The following CCZ1B variants were observed in gnomAD, a reference collection of about 807,000 sequenced individuals.
CCZ1B encodes the protein vacuolar fusion protein CCZ1 homolog B.
Under a neutral mutation model 58.8 loss-of-function variants are expected in CCZ1B, and 25 were observed. The ratio of observed to expected loss-of-function variants is 0.43; its 90% confidence interval spans 0.31 to 0.59. The LOEUF (loss-of-function observed/expected upper bound fraction) is 0.59, where lower values mean the gene tolerates loss of function less well. Ranked by LOEUF, CCZ1B falls within the 20% of genes least tolerant of loss-of-function variation. The probability of loss-of-function intolerance (pLI) is 0.12; values close to 1 mark genes in which losing one functional copy is unlikely to be tolerated. For missense variants in CCZ1B, 180 were observed against 501.5 expected, an observed-to-expected ratio of 0.36 and a Z score of 6.12; for synonymous variants, 66 against 173.2, an observed-to-expected ratio of 0.38 and a Z score of 4.86.
At chr7:6,811,768 T>C (rs982143009) in intron 10 of CCZ1B, 184 bp downstream of exon 10, 7 of 750,856 alleles carry the variant, frequency 9.3e-6, no homozygotes, top group African/African-American at 3.8e-5. Flanking sequence ...ACAGAACTGT[T>C]TAAAAGGAGC....
chr7:6,815,736 C>G (rs1442693203), intron 7 of CCZ1B, among the ~76,000 whole-genome samples: 5 of 149,220 alleles, frequency 3.4e-5, no homozygotes, highest in Non-Finnish European at 7.4e-5. Flanking sequence ...TCCTACAGTC[C>G]TGTATTTTAC....
In CCZ1B at chr7:6,823,293, A is replaced by T; in HGVS notation, c.438+20T>A. The T allele has an allele frequency of 6.2e-7, 1 of 1,605,254 alleles. No homozygotes were observed. Among genetic ancestry groups the T allele is most frequent in the Non-Finnish European group, 8.5e-7 (1 of 1,176,200 alleles). On this transcript the variant is annotated intron_variant, in intron 5 of 14. Coordinates refer to ENST00000316731, the MANE Select transcript of CCZ1B (RefSeq NM_198097.5). ...GGGTAAGTGGTTGGACTCTGAGTTG[A>T]GAAAGAACGCCACGCTTACCTTGTA...
At chr7:6,808,799 C>T (rs1583550189) in intron 10 of CCZ1B, among the ~76,000 whole-genome samples, 1 of 152,102 alleles carries the variant, frequency 6.6e-6, no homozygotes, top group Admixed American at 6.5e-5. Context: ...ACCTCCGCCT[C>T]CCAGGTTCAA....
intron 5 of CCZ1B, among the ~76,000 whole-genome samples, chr7:6,822,960 C>A (rs1306858734): frequency 6.8e-6 from 1 of 146,310 alleles, no homozygotes; most frequent in African/African-American, 2.6e-5. Flanking sequence ...CCCACCTTAG[C>A]CTCCCAGAAT....
intron 10 of CCZ1B, among the ~76,000 whole-genome samples, chr7:6,810,433 T>G (rs1429435030): frequency 1.8e-4 from 27 of 148,568 alleles, no homozygotes; most frequent in South Asian, 1.7e-3. Context: ...TAATGTCTGG[T>G]GCTGGATATG....
intron 9 of CCZ1B, chr7:6,812,267 T>C (rs1233388435): frequency 3.8e-6 from 2 of 529,286 alleles, no homozygotes; most frequent in African/African-American, 4.1e-5. Flanking sequence ...GCTGGGTGGA[T>C]CACCTGAAGT....
Position 6,801,089 on chromosome 7 carries a change from G to A in CCZ1B, c.1266-14C>T. The A allele has an allele frequency of 7.4e-7, 1 of 1,346,434 alleles. No individual in the cohort carries two copies. The highest frequency in any genetic ancestry group is 9.7e-7 in the Non-Finnish European group (1 of 1,034,466). 83.4% of individuals were successfully genotyped at this position (1,346,434 alleles called of 1,614,324 possible). The stretch of plus-strand genomic sequence containing the variant: ...TCTTCATCCACTCTGCAAGACGAGG[G>A]TCAAAATGCAATTGTTCGTTACTCA... On this transcript the variant is annotated splice_polypyrimidine_tract_variant and intron_variant, in intron 13 of 14. Coordinates refer to ENST00000316731, the MANE Select transcript of CCZ1B (RefSeq NM_198097.5).
At chr7:6,821,876 G>A (rs1422610295) in intron 6 of CCZ1B, among the ~76,000 whole-genome samples, 3 of 149,884 alleles carry the variant, frequency 2.0e-5, no homozygotes, top group Non-Finnish European at 4.4e-5. Flanking sequence ...CATCAAGACA[G>A]TTTACGCCCG....
chr7:6,812,676 A>C (rs1583552054), intron 9 of CCZ1B, among the ~76,000 whole-genome samples: 2 of 152,226 alleles, frequency 1.3e-5, no homozygotes, highest in African/African-American at 4.8e-5. Flanking sequence ...TAATCCCAGC[A>C]CTTTGGGAGG....
intron 12 of CCZ1B, among the ~76,000 whole-genome samples, chr7:6,804,338 G>C (rs1431561644): frequency 1.6e-5 from 2 of 127,420 alleles, no homozygotes; most frequent in Non-Finnish European, 3.3e-5. Context: ...CATGAGAATC[G>C]CTTGAGCCTG....
Position 6,823,512 on chromosome 7 carries a change from GTTCT to G in CCZ1B, c.391-156_391-153del, listed in dbSNP as rs1480335184. ...TTGCGTGCTGAAAAAAAGTGTTTGC[GTTCT>G]TTTTTTTTTTTTTTTTTTTTGAGAT... On this transcript the variant is annotated intron_variant, in intron 4 of 14. Transcript: ENST00000316731. 34 of 777,012 alleles carry G rather than the reference GTTCT, an allele frequency of 4.4e-5. No homozygotes were observed. In the African/African-American group the frequency reaches 5.3e-4, roughly 12 times the overall value. The allele number at this position is 777,012 out of a possible 1,614,324, so 48.1% of individuals were successfully genotyped here. A position where few individuals can be genotyped will look rare whatever the true frequency, so the allele number is the denominator to read the frequency against.
At chr7:6,817,520 T>A (rs1783024990) in intron 7 of CCZ1B, among the ~76,000 whole-genome samples, 1 of 149,734 alleles carries the variant, frequency 6.7e-6, no homozygotes, top group Admixed American at 6.6e-5. Flanking sequence ...TGCGTGTGAT[T>A]TGCAAGCACG....
In CCZ1B at chr7:6,811,936, G is replaced by A. The variant is rs1190704312; in HGVS notation, c.954+16C>T. On this transcript the variant is annotated intron_variant, in intron 10 of 14. Coordinates refer to ENST00000316731, the MANE Select transcript of CCZ1B (RefSeq NM_198097.5). ...TTCAGCACAATCATTAACGCTGGAA[G>A]GAAAACAGTTGTTACCTTATAAACG... 1.9e-6 allele frequency: 3 copies of A among 1,595,732 alleles called. No homozygotes were observed. Among genetic ancestry groups the A allele is most frequent in the Non-Finnish European group, 2.6e-6 (3 of 1,170,492 alleles).
At chr7:6,822,199 A>G (rs1164611982) in intron 6 of CCZ1B, 82 bp downstream of exon 6, 2 of 1,536,964 alleles carry the variant, frequency 1.3e-6, no homozygotes, top group Non-Finnish European at 1.7e-6. Flanking sequence ...TTTGTAGATA[A>G]GAAACAAACT....
intron 7 of CCZ1B, among the ~76,000 whole-genome samples, chr7:6,818,617 C>CAGACAGAAAGA (rs1229339046): frequency 1.4e-3 from 130 of 92,332 alleles, no homozygotes; most frequent in Middle Eastern, 6.0e-3. Context: ...GAAAGAAAGA[C>CAGACAGAAAGA]AAGAAAGAAA....
intron 5 of CCZ1B, among the ~76,000 whole-genome samples, chr7:6,823,039 A>T (rs200144137): frequency 6.8e-6 from 1 of 146,862 alleles, no homozygotes; most frequent in African/African-American, 2.6e-5. Flanking sequence ...AATTATCTGC[A>T]TTCTGTATGT....
At chr7:6,818,884 T>C (rs1254218508) in intron 7 of CCZ1B, among the ~76,000 whole-genome samples, 3 of 148,644 alleles carry the variant, frequency 2.0e-5, no homozygotes, top group African/African-American at 7.7e-5. Flanking sequence ...TGGGCAGTCT[T>C]GTGCCCACGT....
In CCZ1B at chr7:6,825,638, AAACCAC is replaced by A. The variant is rs1258462956; in HGVS notation, c.120+434_120+439del. Among the ~76,000 whole-genome samples, 8 of 91,412 alleles carry A rather than the reference AAACCAC, an allele frequency of 8.8e-5. No individual in the cohort carries two copies. In the South Asian group the frequency reaches 6.4e-3, roughly 73 times the overall value. The allele number at this position is 91,412 out of a possible 152,430, so 60.0% of individuals were successfully genotyped here. A position where few individuals can be genotyped will look rare whatever the true frequency, so the allele number is the denominator to read the frequency against. ...GAAAGTCGCCGTCCCCACCTCAGAA[AAACCAC>A]ACACACACACACACACACACCCCTC... On this transcript the variant is annotated intron_variant, in intron 1 of 14. Transcript: ENST00000316731.
intron 7 of CCZ1B, among the ~76,000 whole-genome samples, chr7:6,818,641 G>T (rs1472718477): frequency 7.1e-6 from 1 of 141,720 alleles, no homozygotes; most frequent in African/African-American, 2.7e-5. Context: ...AGACAAGAAA[G>T]AAAGAAAGAC....
Sources: gnomAD v4.1 joint callset for allele counts (sites outside exome capture counted in the v4.1 genomes callset) on GRCh38, gnomAD v4.1.1 for gene constraint, MANE v1.5 for transcripts, NCBI Gene and HGNC (gene_info 2026-07-23, HGNC 2026-07-21) for gene names.